Variants in FMNL2 observed in about 807,000 individuals in gnomAD.
FMNL2 encodes formin-like protein 2.
A neutral mutation model predicts 130.2 loss-of-function variants in FMNL2; 51 were observed. That is an observed-to-expected ratio of 0.39 (90% CI 0.31 to 0.49). FMNL2 has a LOEUF of 0.49. Among genes scored for constraint, FMNL2 ranks in the 20% least tolerant of loss-of-function variants. FMNL2 has a pLI of 0.85. For synonymous variants in FMNL2, 465 were observed against 467.1 expected (o/e 1.00, Z 0.06); for missense variants, 977 against 1,316.2 (o/e 0.74, Z 3.99).
At chr2:152,502,196 T>C (rs1447546474) in intron 1 of FMNL2, among the ~76,000 whole-genome samples, 2 of 152,238 alleles carry the variant, frequency 1.3e-5, no homozygotes, top group Non-Finnish European at 2.9e-5. Flanking sequence ...AAATATAGGA[T>C]TGATTGTTTT....
intron 6 of FMNL2, among the ~76,000 whole-genome samples, chr2:152,571,196 C>T (rs1644374433): frequency 6.6e-6 from 1 of 152,144 alleles, no homozygotes; most frequent in Non-Finnish European, 1.5e-5. Context: ...CCTCTCCTGG[C>T]TCTCCCTTCT....
At chr2:152,558,381 C>A (rs770097025) in intron 4 of FMNL2, among the ~76,000 whole-genome samples, 1 of 152,196 alleles carries the variant, frequency 6.6e-6, no homozygotes, top group Non-Finnish European at 1.5e-5. Flanking sequence ...TGTCCATAGT[C>A]TTGCTTCCTT....
At chr2:152,617,961 C>T (rs1009196113) in intron 13 of FMNL2, among the ~76,000 whole-genome samples, 5 of 152,162 alleles carry the variant, frequency 3.3e-5, no homozygotes, top group South Asian at 2.1e-4. Context: ...GGCACGCCTT[C>T]GAGACAGAGT....
intron 1 of FMNL2, among the ~76,000 whole-genome samples, chr2:152,506,899 TG>T (rs1692206288): frequency 1.3e-5 from 2 of 152,234 alleles, no homozygotes; most frequent in Non-Finnish European, 2.9e-5. Flanking sequence ...TGTGTAGCTA[TG>T]GGGCACTGCA....
At chr2:152,400,170 T>C (rs1383558150) in intron 1 of FMNL2, among the ~76,000 whole-genome samples, 1 of 152,144 alleles carries the variant, frequency 6.6e-6, no homozygotes, top group Admixed American at 6.5e-5. Context: ...CAGTGGCTCA[T>C]GCCTGTGGTC....
At chr2:152,589,512 T>A (rs1469134953) in intron 9 of FMNL2, among the ~76,000 whole-genome samples, 1 of 152,204 alleles carries the variant, frequency 6.6e-6, no homozygotes, top group Non-Finnish European at 1.5e-5. Context: ...AGTGTTATTT[T>A]AAACCCTGCA....
At chr2:152,590,326 C>T (rs1228355538) in intron 9 of FMNL2, among the ~76,000 whole-genome samples, 2 of 152,054 alleles carry the variant, frequency 1.3e-5, no homozygotes, top group East Asian at 3.9e-4. Flanking sequence ...TTATATTAAC[C>T]GTCTTATTAA....
At chr2:152,432,325 A>G (rs556546366) in intron 1 of FMNL2, among the ~76,000 whole-genome samples, 3 of 152,212 alleles carry the variant, frequency 2.0e-5, no homozygotes, top group African/African-American at 7.2e-5. Context: ...TGATTCAATC[A>G]TTCTCTGATT....
intron 1 of FMNL2, among the ~76,000 whole-genome samples, chr2:152,430,327 G>C (rs752455443): frequency 6.6e-6 from 1 of 152,128 alleles, no homozygotes; most frequent in African/African-American, 2.4e-5. Context: ...GGTTGCCAAC[G>C]TGCCCTTGTG....
At chr2:152,447,122 A>G (rs1426806204) in intron 1 of FMNL2, among the ~76,000 whole-genome samples, 5 of 151,456 alleles carry the variant, frequency 3.3e-5, no homozygotes, top group African/African-American at 9.7e-5. Context: ...TTTGGAGACA[A>G]GTTTCTTACT....
At chr2:152,560,588 CTT>C (rs1491386986) in intron 5 of FMNL2, among the ~76,000 whole-genome samples, 1 of 152,164 alleles carries the variant, frequency 6.6e-6, no homozygotes, top group African/African-American at 2.4e-5. Flanking sequence ...ATGTTAGTGA[CTT>C]ATATATTAGC....
At chr2:152,381,088 G>A (rs1024153886) in intron 1 of FMNL2, among the ~76,000 whole-genome samples, 2 of 152,134 alleles carry the variant, frequency 1.3e-5, no homozygotes, top group Non-Finnish European at 2.9e-5. Flanking sequence ...GAAACCAAGA[G>A]TTGTTAATCT....
chr2:152,574,789 G>A (rs1475385399), intron 6 of FMNL2, among the ~76,000 whole-genome samples: 7 of 152,158 alleles, frequency 4.6e-5, no homozygotes, highest in Non-Finnish European at 8.8e-5. Context: ...CAAGACTGAG[G>A]TTAAAATAAG....
intron 1 of FMNL2, among the ~76,000 whole-genome samples, chr2:152,498,562 T>C (rs1011207432): frequency 2.6e-5 from 4 of 152,206 alleles, no homozygotes; most frequent in Admixed American, 2.0e-4. Context: ...TTTCCAGTTT[T>C]ACTCTTCCTT....
chr2:152,632,591 T>C (rs898829426), intron 21 of FMNL2, among the ~76,000 whole-genome samples: 17 of 152,232 alleles, frequency 1.1e-4, no homozygotes, highest in African/African-American at 3.9e-4. Context: ...AAGACAGTTA[T>C]ACATTTTGTC....
rs535095575 is a variant in FMNL2, at chr2:152,508,416, A to G, written c.118-13527A>G. Among the ~76,000 whole-genome samples, 5 of 152,362 alleles carry G rather than the reference A, an allele frequency of 3.3e-5. No individual in the cohort carries two copies. In the South Asian group the frequency reaches 1.0e-3, roughly 32 times the overall value. On this transcript the variant is annotated intron_variant, in intron 1 of 25. Transcript: ENST00000288670. ...TCCCTCTGGAAGAAGACAGATCTAA[A>G]TCAGAGGTATGCTTCAAGTTGGCAA...
intron 1 of FMNL2, among the ~76,000 whole-genome samples, chr2:152,416,250 G>A (rs1686607103): frequency 6.6e-6 from 1 of 152,192 alleles, no homozygotes; most frequent in African/African-American, 2.4e-5. Flanking sequence ...GAGAGCTGGA[G>A]GTTGCTGGTG....
intron 1 of FMNL2, among the ~76,000 whole-genome samples, chr2:152,502,149 C>T (rs1691877325): frequency 6.6e-6 from 1 of 152,162 alleles, no homozygotes; most frequent in Non-Finnish European, 1.5e-5. Context: ...CAGAGTTTTG[C>T]TTGAGGATGT....
In FMNL2 at chr2:152,615,025, A is replaced by C. The variant is rs567182533; in HGVS notation, c.1212+25A>C. 2.7e-5 allele frequency: 43 copies of C among 1,603,586 alleles called. No individual in the cohort carries two copies. The African/African-American group carries it at 5.1e-4, about 19-fold the overall frequency. On this transcript the variant is annotated intron_variant, in intron 12 of 25. Transcript: ENST00000288670. ...TGTAACTATATCTCAGAAAAGGAAA[A>C]ATTGCTTACATTTCAGCTGGTTGCA...
Sources: gnomAD v4.1 joint callset for allele counts (sites outside exome capture counted in the v4.1 genomes callset) on GRCh38, gnomAD v4.1.1 for gene constraint, MANE v1.5 for transcripts, NCBI Gene and HGNC (gene_info 2026-07-23, HGNC 2026-07-21) for gene names.